Variants in NAALADL2 observed in about 807,000 individuals in gnomAD.
NAALADL2 encodes N-acetylated alpha-linked acidic dipeptidase like 2.
A neutral mutation model predicts 87.2 loss-of-function variants in NAALADL2; 76 were observed. The observed-to-expected ratio is 0.87, with a 90% CI of 0.72 to 1.05. NAALADL2 has a LOEUF of 1.05. Ranked by LOEUF, NAALADL2 falls within the 50% of genes least tolerant of loss-of-function variation. The pLI is 0.00. For missense variants in NAALADL2, 1,089 were observed against 945.8 expected, an observed-to-expected ratio of 1.15 and a Z score of -1.99; for synonymous variants, 354 against 331.0, an observed-to-expected ratio of 1.07 and a Z score of -0.75.
chr3:175,527,404 C>T lies in NAALADL2; in HGVS notation c.1654-48637C>T, dbSNP rs1299166411. 3.9e-5 allele frequency among the ~76,000 whole-genome samples: 6 copies of T among 152,028 alleles called. No individual in the cohort carries two copies. The South Asian group carries it at 6.2e-4, about 16-fold the overall frequency. The stretch of plus-strand genomic sequence containing the variant: ...TCAATAACCCACCAACATTTTCTTA[C>T]GATAAAATACTTTTAGTTACTCAAC... On this transcript the variant is annotated intron_variant, in intron 9 of 13. Coordinates refer to ENST00000454872, the MANE Select transcript of NAALADL2 (RefSeq NM_207015.3).
chr3:175,807,840 A>T lies in NAALADL2; in HGVS notation c.*4637A>T, dbSNP rs1302894985. On this transcript the variant is annotated 3_prime_UTR_variant, in exon 14 of 14. Coordinates refer to ENST00000454872, the MANE Select transcript of NAALADL2 (RefSeq NM_207015.3). ...TCGAAAAGACCTTAAAAACCCTCAC[A>T]GAGTTCTAAACATCCCATTCATTGA... The T allele has an allele frequency of 6.6e-6, 1 of 152,000 alleles. No homozygotes were observed. Among genetic ancestry groups the T allele is most frequent in the Non-Finnish European group, 1.5e-5 (1 of 67,920 alleles). 9.4% of individuals were successfully genotyped at this position (152,000 alleles called of 1,614,324 possible).
At chr3:175,280,603 T>C (rs1269063411) in intron 4 of NAALADL2, among the ~76,000 whole-genome samples, 2 of 152,070 alleles carry the variant, frequency 1.3e-5, no homozygotes, top group Non-Finnish European at 2.9e-5. Flanking sequence ...ACTGAATAAT[T>C]ATGATCACTT....
chr3:174,898,426 T>G (rs555683417), intron 1 of NAALADL2, among the ~76,000 whole-genome samples: 1 of 151,578 alleles, frequency 6.6e-6, no homozygotes, highest in African/African-American at 2.4e-5. Flanking sequence ...TGAATAAGAC[T>G]GACTATTTGA....
chr3:175,444,253 A>G (rs1720310865), intron 5 of NAALADL2, among the ~76,000 whole-genome samples: 1 of 152,218 alleles, frequency 6.6e-6, no homozygotes, highest in Non-Finnish European at 1.5e-5. Context: ...GTGCATCAAT[A>G]TTATTTCATT....
At chr3:175,094,305 GAA>G (rs899963648) in intron 1 of NAALADL2, among the ~76,000 whole-genome samples, 1 of 151,012 alleles carries the variant, frequency 6.6e-6, no homozygotes, top group Non-Finnish European at 1.5e-5. Flanking sequence ...AGGCCAAAGA[GAA>G]AAAAAAATTG....
intron 4 of NAALADL2, among the ~76,000 whole-genome samples, chr3:175,284,062 TG>T (rs1409183845): frequency 6.6e-6 from 1 of 152,118 alleles, no homozygotes; most frequent in African/African-American, 2.4e-5. Context: ...TGAAATCGAT[TG>T]GGTTTCTTCC....
intron 2 of NAALADL2, among the ~76,000 whole-genome samples, chr3:175,167,632 G>A (rs1055557286): frequency 3.3e-5 from 5 of 152,038 alleles, no homozygotes; most frequent in Admixed American, 6.6e-5. Context: ...GGACTCTTCT[G>A]TGTATCACAA....
chr3:174,808,208 T>A (rs1172628538), intron 3 of NAALADL2, among the ~76,000 whole-genome samples: 1 of 152,122 alleles, frequency 6.6e-6, no homozygotes, highest in African/African-American at 2.4e-5. Context: ...GAGTTGATGC[T>A]TAGGAAATAA....
intron 1 of NAALADL2, among the ~76,000 whole-genome samples, chr3:174,982,121 C>A (rs189502130): frequency 7.2e-5 from 11 of 152,194 alleles, no homozygotes; most frequent in African/African-American, 2.2e-4. Context: ...AACATACAAC[C>A]AGAACCCACT....
chr3:174,897,249 A>G (rs1019060463), intron 1 of NAALADL2, among the ~76,000 whole-genome samples: 22 of 152,190 alleles, frequency 1.4e-4, no homozygotes, highest in African/African-American at 4.3e-4. Flanking sequence ...ATGGGAGAAT[A>G]TATTTACAAA....
chr3:174,984,180 T>A (rs962331625), intron 1 of NAALADL2, among the ~76,000 whole-genome samples: 1 of 152,180 alleles, frequency 6.6e-6, no homozygotes, highest in African/African-American at 2.4e-5. Flanking sequence ...TTACAAAATA[T>A]AAAAACATAA....
At chr3:175,747,377 TGTGA>T (rs1197508413) in intron 12 of NAALADL2, among the ~76,000 whole-genome samples, 1 of 152,212 alleles carries the variant, frequency 6.6e-6, no homozygotes. Context: ...GATTGAAATC[TGTGA>T]GTGACTTATT....
intron 10 of NAALADL2, among the ~76,000 whole-genome samples, chr3:175,595,143 A>G (rs1722075833): frequency 6.6e-6 from 1 of 152,072 alleles, no homozygotes; most frequent in East Asian, 1.9e-4. Context: ...TTAAATTTAC[A>G]CCATGAATCT....
chr3:175,602,301 T>C (rs746586345), intron 10 of NAALADL2, among the ~76,000 whole-genome samples: 71 of 152,118 alleles, frequency 4.7e-4, no homozygotes, highest in Non-Finnish European at 8.5e-4. Flanking sequence ...AATTAGTTAA[T>C]GATTAATCAC....
intron 3 of NAALADL2, among the ~76,000 whole-genome samples, chr3:174,838,633 G>T (rs1020419516): frequency 6.6e-6 from 1 of 152,080 alleles, no homozygotes; most frequent in African/African-American, 2.4e-5. Context: ...ACTGATAAAA[G>T]AATTCAGCAA....
chr3:174,481,853 C>T (rs1717573513), intron 1 of NAALADL2, among the ~76,000 whole-genome samples: 2 of 152,030 alleles, frequency 1.3e-5, no homozygotes, highest in Non-Finnish European at 2.9e-5. Context: ...TCATTAGAGA[C>T]TCAGTACCCA....
chr3:175,640,419 T>A (rs1471177512), intron 11 of NAALADL2, among the ~76,000 whole-genome samples: 2 of 152,214 alleles, frequency 1.3e-5, no homozygotes, highest in Non-Finnish European at 2.9e-5. Context: ...AGAACTAATA[T>A]TTATTGATGA....
intron 12 of NAALADL2, among the ~76,000 whole-genome samples, chr3:175,740,904 C>T (rs757887547): frequency 3.9e-5 from 6 of 152,048 alleles, no homozygotes; most frequent in Non-Finnish European, 8.8e-5. Flanking sequence ...GGGTCTGGAT[C>T]GGGACCCCCT....
At chr3:175,591,614 A>T (rs567996691) in intron 10 of NAALADL2, among the ~76,000 whole-genome samples, 10 of 152,232 alleles carry the variant, frequency 6.6e-5, no homozygotes, top group African/African-American at 2.4e-4. Flanking sequence ...CATGAGTATA[A>T]ACAAACAAAT....
Sources: allele counts gnomAD v4.1 joint callset (sites outside exome capture counted in the v4.1 genomes callset), GRCh38; gene constraint gnomAD v4.1.1; transcripts MANE v1.5; gene names NCBI Gene and HGNC (gene_info 2026-07-23, HGNC 2026-07-21).